Variants in GALNT18 observed in about 807,000 individuals in gnomAD.
GALNT18 encodes polypeptide N-acetylgalactosaminyltransferase 18.
Under a neutral mutation model 69.5 loss-of-function variants are expected in GALNT18, and 44 were observed. That is an observed-to-expected ratio of 0.63 (90% CI 0.50 to 0.81). GALNT18 has a LOEUF of 0.81. Among genes scored for constraint, GALNT18 ranks in the 40% least tolerant of loss-of-function variants. The probability of loss-of-function intolerance (pLI) is 0.00; values close to 1 mark genes in which losing one functional copy is unlikely to be tolerated. For synonymous variants in GALNT18, 364 were observed against 318.2 expected (o/e 1.14, Z -1.53); for missense variants, 715 against 810.0 (o/e 0.88, Z 1.42).
In GALNT18 at chr11:11,463,876, C is replaced by T. The variant is rs370226658; in HGVS notation, c.236-14940G>A. Among the ~76,000 whole-genome samples the T allele has an allele frequency of 4.6e-5, 7 of 152,028 alleles. No homozygotes were observed. In the East Asian group the frequency reaches 7.7e-4, roughly 17 times the overall value. Reference sequence around the variant, plus strand: ...CTGTATTATGAATGCAGTATGTGTCCGGCGGAATGTGTGCAAAAACCGTCA... The same window carrying T: ...CTGTATTATGAATGCAGTATGTGTCTGGCGGAATGTGTGCAAAAACCGTCA... On this transcript the variant is annotated intron_variant, in intron 1 of 10. Transcript: ENST00000227756. This position sits in a 1 kb window ranked among gnomAD's most constrained non-coding sequence, Gnocchi z 4.2.
At chr11:11,283,123 G>A (rs953623492) in intron 10 of GALNT18, among the ~76,000 whole-genome samples, 1 of 152,104 alleles carries the variant, frequency 6.6e-6, no homozygotes. Context: ...CGGGTAAGTG[G>A]ATAGGGCCTT....
In GALNT18 at chr11:11,271,214, T is replaced by A. The variant is rs1475817542; in HGVS notation, c.1754A>T (p.Gln585Leu). The change falls in exon 11 of 11, where the codon CAG becomes CTG. Residue 585 changes from glutamine to leucine, a missense_variant. Physicochemically the swap from Gln to Leu is moderately radical, Grantham distance 113. Transcript: ENST00000227756. ...GCCCGAGCACTTCTGCAACACCAGCTGGAAGCCGAACTCCAGGTCGCTATT... is the reference window on the plus strand; with the variant it reads ...GCCCGAGCACTTCTGCAACACCAGCAGGAAGCCGAACTCCAGGTCGCTATT... ...QENSDLEFGF[Q>L]LVLQKCSGQH... 6.2e-7 allele frequency: 1 copy of A among 1,614,156 alleles called. No homozygotes were observed. Among genetic ancestry groups the A allele is most frequent in the Non-Finnish European group, 8.5e-7 (1 of 1,180,006 alleles).
In GALNT18 at chr11:11,465,984, A is replaced by T. The variant is rs1856148188; in HGVS notation, c.236-17048T>A. 6.6e-6 allele frequency among the ~76,000 whole-genome samples: 1 copy of T among 152,206 alleles called. No homozygotes were observed. Among genetic ancestry groups the T allele is most frequent in the Non-Finnish European group, 1.5e-5 (1 of 68,038 alleles). On this transcript the variant is annotated intron_variant, in intron 1 of 10. Coordinates refer to ENST00000227756, the MANE Select transcript of GALNT18 (RefSeq NM_198516.3). The surrounding 1 kb of genome is among the most constrained non-coding windows in gnomAD (Gnocchi z 5.7). ...AGGGCCCAAAGGAACCACAGGAGGCATCCATCCAGACCAGTGCTTCTCAGC... is the reference window on the plus strand; with the variant it reads ...AGGGCCCAAAGGAACCACAGGAGGCTTCCATCCAGACCAGTGCTTCTCAGC...
At chr11:11,551,727 G>C (rs1858196334) in intron 1 of GALNT18, among the ~76,000 whole-genome samples, 1 of 152,236 alleles carries the variant, frequency 6.6e-6, no homozygotes. Context: ...AACAGGCTTT[G>C]TGTGGGCAAC....
intron 1 of GALNT18, among the ~76,000 whole-genome samples, chr11:11,533,317 G>A (rs578202587): frequency 2.6e-5 from 4 of 152,288 alleles, no homozygotes; most frequent in African/African-American, 9.6e-5. Flanking sequence ...CAGCCAACTT[G>A]CCAGCAGTCT....
chr11:11,448,715 A>T (rs753132497), intron 2 of GALNT18, 29 bp downstream of exon 2: 2 of 1,586,912 alleles, frequency 1.3e-6, no homozygotes, highest in Admixed American at 3.4e-5. Flanking sequence ...AGGCAGGTCG[A>T]CAAGGGCCCA....
chr11:11,291,263 T>C (rs377386290), intron 10 of GALNT18, among the ~76,000 whole-genome samples: 190 of 152,108 alleles, frequency 1.2e-3, no homozygotes, highest in African/African-American at 4.5e-3. Context: ...AGCCCTGACC[T>C]CTGGCCTTCT....
At chr11:11,575,810 G>A (rs530002843) in intron 1 of GALNT18, among the ~76,000 whole-genome samples, 3 of 152,308 alleles carry the variant, frequency 2.0e-5, no homozygotes, top group African/African-American at 4.8e-5. Flanking sequence ...AGCTAAGTGA[G>A]GACCTCACTG....
rs747617605 is a variant in GALNT18, at chr11:11,338,964, C to T, written c.1278+1855G>A. Among the ~76,000 whole-genome samples the T allele has an allele frequency of 1.3e-5, 2 of 152,028 alleles. No homozygotes were observed. Among genetic ancestry groups the T allele is most frequent in the Non-Finnish European group, 2.9e-5 (2 of 68,016 alleles). ...AAGGTGAAATCCTATAGGTTAAAGA[C>T]CTTAAAATGTCCATTAAATTAAGCA... On this transcript the variant is annotated intron_variant, in intron 7 of 10. Coordinates refer to ENST00000227756, the MANE Select transcript of GALNT18 (RefSeq NM_198516.3). The surrounding 1 kb of genome is among the most constrained non-coding windows in gnomAD (Gnocchi z 5.3).
chr11:11,416,553 A>G (rs1307420471), intron 3 of GALNT18, among the ~76,000 whole-genome samples: 2 of 152,206 alleles, frequency 1.3e-5, no homozygotes, highest in East Asian at 3.8e-4. Flanking sequence ...TCATCAGGTG[A>G]GGAAAGGTTT....
intron 1 of GALNT18, among the ~76,000 whole-genome samples, chr11:11,580,260 G>A (rs1859043673): frequency 6.6e-6 from 1 of 152,138 alleles, no homozygotes; most frequent in Non-Finnish European, 1.5e-5. Flanking sequence ...GGCAGACTCA[G>A]GGCAAACCTC....
chr11:11,582,344 C>T lies in GALNT18; in HGVS notation c.235+39015G>A, dbSNP rs1452983762. Among the ~76,000 whole-genome samples, 3 of 152,244 alleles carry T rather than the reference C, an allele frequency of 2.0e-5. No individual in the cohort carries two copies. Among genetic ancestry groups the T allele is most frequent in the Admixed American group, 6.5e-5 (1 of 15,286 alleles). ...AAGGGCCTTTGTTCCCAATCATTCA[C>T]TGCCCCTCCCTATAAGAGGGCTATG... On this transcript the variant is annotated intron_variant, in intron 1 of 10. Transcript: ENST00000227756. The surrounding 1 kb of genome is among the most constrained non-coding windows in gnomAD (Gnocchi z 5.0).
At chr11:11,477,922 G>T (rs1021692553) in intron 1 of GALNT18, among the ~76,000 whole-genome samples, 10 of 152,174 alleles carry the variant, frequency 6.6e-5, no homozygotes, top group African/African-American at 2.4e-4. Flanking sequence ...GGCTAATTTT[G>T]CCAGAAAGTC....
rs962457321 is a variant in GALNT18, at chr11:11,602,784, G to C, written c.235+18575C>G. ...CTGCAAAAAAAGAGAGAATCATTTA[G>C]AGAACAGCTGGCTCTATTGATCAGT... On this transcript the variant is annotated intron_variant, in intron 1 of 10. Transcript: ENST00000227756. The surrounding 1 kb of genome is among the most constrained non-coding windows in gnomAD (Gnocchi z 4.7). 6.6e-6 allele frequency among the ~76,000 whole-genome samples: 1 copy of C among 152,110 alleles called. No homozygotes were observed. Among genetic ancestry groups the C allele is most frequent in the Non-Finnish European group, 1.5e-5 (1 of 68,010 alleles).
intron 1 of GALNT18, among the ~76,000 whole-genome samples, chr11:11,553,602 T>C (rs7924742): frequency 0.35 from 52,513 of 151,882 alleles, 10,283 homozygotes; most frequent in African/African-American, 0.52. Flanking sequence ...CAAAACTCAC[T>C]GAAGGAGAAA....
chr11:11,481,981 G>A (rs7481099), intron 1 of GALNT18, among the ~76,000 whole-genome samples: 1 of 151,990 alleles, frequency 6.6e-6, no homozygotes, highest in African/African-American at 2.4e-5. Flanking sequence ...CATCCCTGTC[G>A]AAGTCCCTAC....
intron 6 of GALNT18, among the ~76,000 whole-genome samples, chr11:11,359,198 C>T (rs944353267): frequency 1.4e-5 from 2 of 140,148 alleles, no homozygotes; most frequent in African/African-American, 2.6e-5. Flanking sequence ...TAGCTGAGAA[C>T]GGCCATGATA....
chr11:11,342,459 G>A lies in GALNT18; in HGVS notation c.1093-1455C>T, dbSNP rs141836762. On this transcript the variant is annotated intron_variant, in intron 6 of 10. Transcript: ENST00000227756. ...TCAACAACAATAAGTCTGGGATAAA[G>A]CCAGATTTGGATTTAGCTTGTTTTC... Among the ~76,000 whole-genome samples, 285 of 152,284 alleles carry A rather than the reference G, an allele frequency of 1.9e-3. 2 individuals are homozygous for A. Among genetic ancestry groups the A allele is most frequent in the African/African-American group, 6.5e-3 (271 of 41,554 alleles).
Position 11,372,961 on chromosome 11 carries a change from AG to A in GALNT18, c.978-333del, listed in dbSNP as rs199708294. Reference sequence around the variant, plus strand: ...GCTGCCCTGACCCTGACCTCTGCACAGCCAGTCTCTGTTCCTGCTTGGGAAT... The same window carrying A: ...GCTGCCCTGACCCTGACCTCTGCACACCAGTCTCTGTTCCTGCTTGGGAAT... On this transcript the variant is annotated intron_variant, in intron 5 of 10. Coordinates refer to ENST00000227756, the MANE Select transcript of GALNT18 (RefSeq NM_198516.3). The surrounding 1 kb of genome is among the most constrained non-coding windows in gnomAD (Gnocchi z 4.9). Among the ~76,000 whole-genome samples the A allele has an allele frequency of 7.1e-3, 1,086 of 152,240 alleles. 14 individuals carry two copies. The highest frequency in any genetic ancestry group is 0.025 in the African/African-American group (1,035 of 41,542).
Sources: allele counts gnomAD v4.1 joint callset (sites outside exome capture counted in the v4.1 genomes callset), GRCh38; gene constraint gnomAD v4.1.1; non-coding constraint Gnocchi (gnomAD v3.1); transcripts MANE v1.5; gene names NCBI Gene and HGNC (gene_info 2026-07-23, HGNC 2026-07-21).